The following MAP2K1 variants were observed in gnomAD, a reference collection of about 807,000 sequenced individuals.
The protein encoded by MAP2K1 is dual specificity mitogen-activated protein kinase kinase 1.
Under a neutral mutation model 46.3 loss-of-function variants are expected in MAP2K1, and 16 were observed. The observed-to-expected ratio is 0.35, with a 90% confidence interval of 0.23 to 0.52. The LOEUF is 0.52. MAP2K1 is among the 20% of genes least tolerant of loss of function. The pLI, the probability that MAP2K1 is intolerant of heterozygous loss-of-function variation, is 0.94. For synonymous variants in MAP2K1, 183 were observed against 185.6 expected (o/e 0.99, Z 0.11); for missense variants, 263 against 497.1 (o/e 0.53, Z 4.48).
intron 1 of MAP2K1, among the ~76,000 whole-genome samples, chr15:66,398,988 G>A (rs1199034861): frequency 1.3e-5 from 2 of 152,092 alleles, no homozygotes; most frequent in African/African-American, 4.8e-5. Flanking sequence ...GGCCAGGCTG[G>A]TCTCAAACTC....
intron 5 of MAP2K1, among the ~76,000 whole-genome samples, chr15:66,448,152 CAAAA>C (rs67953737): frequency 1.4e-4 from 12 of 86,978 alleles, no homozygotes; most frequent in African/African-American, 5.5e-4. Flanking sequence ...GACTCCATCT[CAAAA>C]AAAAAAAAAA....
intron 1 of MAP2K1, among the ~76,000 whole-genome samples, chr15:66,403,706 G>A (rs771530002): frequency 1.7e-4 from 26 of 152,144 alleles, no homozygotes; most frequent in Non-Finnish European, 5.9e-5. Flanking sequence ...TGAGTCAATC[G>A]TTGTTTTACA....
chr15:66,419,169 CT>C (rs774976287), intron 1 of MAP2K1, among the ~76,000 whole-genome samples: 2 of 151,114 alleles, frequency 1.3e-5, no homozygotes, highest in African/African-American at 2.4e-5. Flanking sequence ...TTTTTCCCCC[CT>C]CTCCCTCCAA....
At chr15:66,442,167 G>A (rs919375245) in intron 3 of MAP2K1, among the ~76,000 whole-genome samples, 2 of 152,140 alleles carry the variant, frequency 1.3e-5, no homozygotes, top group Non-Finnish European at 2.9e-5. Context: ...TGCCTCCAGA[G>A]TCTTGTTTGT....
intron 1 of MAP2K1, among the ~76,000 whole-genome samples, chr15:66,421,569 G>A (rs969419359): frequency 2.0e-5 from 3 of 151,850 alleles, no homozygotes; most frequent in Non-Finnish European, 4.4e-5. Flanking sequence ...GGGAGGCCGA[G>A]GTGGGCAGAT....
intron 5 of MAP2K1, among the ~76,000 whole-genome samples, chr15:66,471,070 C>A (rs1892621964): frequency 6.6e-6 from 1 of 152,118 alleles, no homozygotes; most frequent in South Asian, 2.1e-4. Flanking sequence ...ATCAGATACG[C>A]ATTTATCTCA....
At chr15:66,473,561 G>A (rs950063249) in intron 5 of MAP2K1, among the ~76,000 whole-genome samples, 1 of 152,156 alleles carries the variant, frequency 6.6e-6, no homozygotes, top group African/African-American at 2.4e-5. Context: ...GGATTCATAA[G>A]CATTTCCCTT....
At chr15:66,444,888 T>G (rs904641665) in intron 5 of MAP2K1, 181 bp downstream of exon 5, 1 of 616,164 alleles carries the variant, frequency 1.6e-6, no homozygotes, top group African/African-American at 1.9e-5. Context: ...CTCTTTTTGG[T>G]CTTGCTACAC....
At chr15:66,474,930 A>G (rs2140656172) in intron 5 of MAP2K1, among the ~76,000 whole-genome samples, 1 of 151,686 alleles carries the variant, frequency 6.6e-6, no homozygotes, top group South Asian at 2.1e-4. Context: ...TATATTTAAA[A>G]GGCCTGACAT....
chr15:66,413,544 C>A (rs1276556922), intron 1 of MAP2K1, among the ~76,000 whole-genome samples: 4 of 152,142 alleles, frequency 2.6e-5, no homozygotes, highest in Non-Finnish European at 5.9e-5. Flanking sequence ...AGATTTCACA[C>A]AGCTAAAATA....
chr15:66,465,035 C>T (rs1238882396), intron 5 of MAP2K1, among the ~76,000 whole-genome samples: 1 of 151,268 alleles, frequency 6.6e-6, no homozygotes, highest in Non-Finnish European at 1.5e-5. Flanking sequence ...CCAGCCTGGC[C>T]AACATGGTGA....
At chr15:66,421,937 C>G (rs1291370030) in intron 1 of MAP2K1, among the ~76,000 whole-genome samples, 1 of 150,900 alleles carries the variant, frequency 6.6e-6, no homozygotes, top group African/African-American at 2.4e-5. Context: ...CAGTTTGAGC[C>G]TCATATCCCC....
chr15:66,421,082 A>G (rs2093441522), intron 1 of MAP2K1, among the ~76,000 whole-genome samples: 1 of 75,726 alleles, frequency 1.3e-5, no homozygotes, highest in Admixed American at 1.9e-4. Flanking sequence ...ATATATACAC[A>G]TACACACACA....
intron 1 of MAP2K1, among the ~76,000 whole-genome samples, chr15:66,422,920 CT>C (rs147500143): frequency 0.023 from 3,540 of 150,658 alleles, 126 homozygotes; most frequent in African/African-American, 0.082. Flanking sequence ...TTCTTTTATT[CT>C]TTTTTTTTGC....
intron 5 of MAP2K1, among the ~76,000 whole-genome samples, chr15:66,469,060 A>C (rs1316403097): frequency 2.6e-5 from 4 of 151,794 alleles, no homozygotes; most frequent in Non-Finnish European, 5.9e-5. Context: ...GTTCCAGACC[A>C]GCCTGGCCAA....
Position 66,448,500 on chromosome 15 carries a change from A to G in MAP2K1, c.568+3793A>G, listed in dbSNP as rs372188269. Among the ~76,000 whole-genome samples, 7 of 152,206 alleles carry G rather than the reference A, an allele frequency of 4.6e-5. No homozygotes were observed. In the East Asian group the frequency reaches 9.6e-4, roughly 21 times the overall value. ...GCTTGTCCTAGTGGGATTTGTCGGG[A>G]GAAAAGAAATAGAAAATGAAGCACA... On this transcript the variant is annotated intron_variant, in intron 5 of 10. Transcript: ENST00000307102.
chr15:66,482,420 A>G (rs1333864178), intron 6 of MAP2K1, among the ~76,000 whole-genome samples: 3 of 151,744 alleles, frequency 2.0e-5, no homozygotes, highest in Non-Finnish European at 4.4e-5. Context: ...CCTCCTCACT[A>G]TGTCTGTCAG....
At chr15:66,393,120 C>G (rs1224735304) in intron 1 of MAP2K1, among the ~76,000 whole-genome samples, 2 of 151,894 alleles carry the variant, frequency 1.3e-5, no homozygotes, top group African/African-American at 4.8e-5. Context: ...AGTGGAATTG[C>G]TGGGTCTTAG....
At chr15:66,405,038 A>G (rs2093392883) in intron 1 of MAP2K1, among the ~76,000 whole-genome samples, 1 of 152,240 alleles carries the variant, frequency 6.6e-6, no homozygotes, top group South Asian at 2.1e-4. Flanking sequence ...AATAGCTACC[A>G]TTTATGAAGG....
Sources: gnomAD v4.1 joint callset for allele counts (sites outside exome capture counted in the v4.1 genomes callset) on GRCh38, gnomAD v4.1.1 for gene constraint, MANE v1.5 for transcripts, NCBI Gene and HGNC (gene_info 2026-07-23, HGNC 2026-07-21) for gene names.